PIKFYVE: variants seen among roughly 807,000 people sequenced by gnomAD.
PIKFYVE encodes the protein phosphoinositide kinase, FYVE-type zinc finger containing.
Under a neutral mutation model 257.9 loss-of-function variants are expected in PIKFYVE, and 122 were observed. That is an observed-to-expected ratio of 0.47 (90% CI 0.41 to 0.55). The LOEUF is 0.55. Among genes scored for constraint, PIKFYVE ranks in the 20% least tolerant of loss-of-function variants. The pLI is 0.00. For synonymous variants in PIKFYVE, 892 were observed against 868.9 expected (o/e 1.03, Z -0.47); for missense variants, 2,160 against 2,536.6 (o/e 0.85, Z 3.19).
rs891252389 is a variant in PIKFYVE, at chr2:208,325,634, G to C, written c.2823G>C (p.Gln941His). 6.2e-7 allele frequency: 1 copy of C among 1,614,134 alleles called. No homozygotes were observed. The highest frequency in any genetic ancestry group is 8.5e-7 in the Non-Finnish European group (1 of 1,180,024). Residue 941 changes from glutamine to histidine, a missense_variant, in exon 20 of 42, where the codon CAG becomes CAC. Transcript: ENST00000264380. ...GGATTGTGTTTGAGAAGGGTGAGCA[G>C]GAAAATAAAAATCTTCCGCAGGCTG... The part of the protein sequence containing the change: ...ELRIVFEKGE[Q>H]ENKNLPQAVA...
At position 208,330,640 on chromosome 2, in the gene PIKFYVE, A is replaced by G; in HGVS notation, c.3909A>G (p.Val1303=). Residue 1303 remains valine (V), a synonymous_variant, in exon 23 of 42, where the codon GTA becomes GTG. Transcript: ENST00000264380. The part of the protein sequence containing the change: ...QIILKELDSP[V]PGYQHTILTY... ...TCCTGAAGGAGTTGGATTCTCCAGT[A>G]CCTGGATATCAGCATACAATTCTTA... 1.2e-6 allele frequency: 2 copies of G among 1,614,158 alleles called. No homozygotes were observed. Among genetic ancestry groups the G allele is most frequent in the South Asian group, 2.2e-5 (2 of 91,090 alleles).
chr2:208,347,837 A>G (rs767505991), intron 34 of PIKFYVE, 22 bp from the exon 35 acceptor site: 1 of 1,592,736 alleles, frequency 6.3e-7, no homozygotes, highest in Non-Finnish European at 8.6e-7. Flanking sequence ...CTTAAAATTA[A>G]TATGTTACTT....
chr2:208,330,828 T>A, intron 23 of PIKFYVE, 134 bp downstream of exon 23: 1 of 913,338 alleles, frequency 1.1e-6, no homozygotes, highest in Non-Finnish European at 1.6e-6. Context: ...TCATTGTTAT[T>A]TTACCTTCCA....
chr2:208,305,058 C>G (rs1694159099), intron 12 of PIKFYVE, 45 bp downstream of exon 12: 4 of 1,612,036 alleles, frequency 2.5e-6, no homozygotes, highest in Non-Finnish European at 3.4e-6. Context: ...GGCTGGACAG[C>G]TGGGCCATAG....
intron 34 of PIKFYVE, among the ~76,000 whole-genome samples, chr2:208,347,336 C>T (rs1411959148): frequency 6.6e-6 from 1 of 152,024 alleles, no homozygotes; most frequent in Non-Finnish European, 1.5e-5. Flanking sequence ...TGTTTGATGG[C>T]CTTTTTTATT....
At position 208,316,761 on chromosome 2, in the gene PIKFYVE, C is replaced by T. The variant is rs1432053628; in HGVS notation, c.2008-1106C>T. On this transcript the variant is annotated intron_variant, in intron 15 of 41. Transcript: ENST00000264380. ...TACAAGGCTACAGTAACCAAAACAG[C>T]GTGGTACTGGTACCAAAATAGAGAT... Among the ~76,000 whole-genome samples, 15 of 152,250 alleles carry T rather than the reference C, an allele frequency of 9.9e-5. No individual in the cohort carries two copies. The East Asian group carries it at 2.1e-3, about 22-fold the overall frequency.
At chr2:208,306,141 T>C (rs1694286271) in intron 12 of PIKFYVE, among the ~76,000 whole-genome samples, 1 of 152,248 alleles carries the variant, frequency 6.6e-6, no homozygotes. Flanking sequence ...TGAAGAGTTA[T>C]AGTAATAAAA....
chr2:208,284,519 C>T (rs998046387), intron 5 of PIKFYVE, among the ~76,000 whole-genome samples: 5 of 152,244 alleles, frequency 3.3e-5, no homozygotes, highest in Admixed American at 2.6e-4. Flanking sequence ...TCTCAGTCTC[C>T]CAAAGTGCTG....
intron 7 of PIKFYVE, among the ~76,000 whole-genome samples, chr2:208,296,672 G>A (rs1693029994): frequency 6.6e-6 from 1 of 152,130 alleles, no homozygotes; most frequent in Non-Finnish European, 1.5e-5. Flanking sequence ...GACTGAGATT[G>A]GAGAAATCAA....
chr2:208,312,143 G>T, intron 12 of PIKFYVE, 93 bp from the exon 13 acceptor site: 1 of 934,076 alleles, frequency 1.1e-6, no homozygotes, highest in South Asian at 1.4e-5. Context: ...AATATTTTGT[G>T]TGTGGGCGTA....
Position 208,338,508 on chromosome 2 carries a change from A to G in PIKFYVE, c.4612A>G (p.Ile1538Val). The change falls in exon 29 of 42, where the codon ATA becomes GTA. Residue 1538 changes from isoleucine to valine, a missense_variant and splice_region_variant. Physicochemically the swap from Ile to Val is conservative, Grantham distance 29 (BLOSUM62 3). Transcript: ENST00000264380. The part of the protein sequence containing the change: ...GRLRQGEESK[I>V]SAMDASPRNI... ...GAACAAAGTATTTACTTCTCTACAG[A>G]TAAGTGCGATGGATGCATCTCCACG... 1 of 1,612,728 alleles carries G rather than the reference A, an allele frequency of 6.2e-7. No individual in the cohort carries two copies. Among genetic ancestry groups the G allele is most frequent in the African/African-American group, 1.3e-5 (1 of 75,012 alleles).
At chr2:208,353,521 T>C (rs1057122176) in intron 39 of PIKFYVE, among the ~76,000 whole-genome samples, 2 of 139,740 alleles carry the variant, frequency 1.4e-5, no homozygotes, top group Middle Eastern at 6.7e-3. Context: ...AAACTATGTT[T>C]CTTAAGACTA....
chr2:208,333,575 G>C lies in PIKFYVE; in HGVS notation c.4142+82G>C. On this transcript the variant is annotated intron_variant, in intron 24 of 41. Transcript: ENST00000264380. ...TTTTTTAACATTTTCACCATTACTA[G>C]ATTGAATTAATTTGTGGGATTCCCC... 4.2e-6 allele frequency: 6 copies of C among 1,436,096 alleles called. No individual in the cohort carries two copies. The Middle Eastern group carries it at 5.4e-4, about 130-fold the overall frequency. 89.0% of individuals were successfully genotyped at this position (1,436,096 alleles called of 1,614,324 possible). A position where few individuals can be genotyped will look rare whatever the true frequency, so the allele number is the denominator to read the frequency against.
chr2:208,309,508 A>C (rs189988309), intron 12 of PIKFYVE, among the ~76,000 whole-genome samples: 9 of 152,322 alleles, frequency 5.9e-5, no homozygotes, highest in Admixed American at 3.3e-4. Flanking sequence ...GATCCAATTT[A>C]CTGTTTTGTG....
rs1333815534 is a variant in PIKFYVE, at chr2:208,298,712, T to C, written c.983T>C (p.Val328Ala). The change falls in exon 8 of 42, where the codon GTC becomes GCC. Residue 328 changes from valine to alanine, a missense_variant. Val to Ala is a moderately conservative substitution (Grantham distance 64, BLOSUM62 0). This residue lies in a region of PIKFYVE where 187 missense variants were observed against 185.6 expected (regional missense o/e 1.01). Coordinates refer to ENST00000264380, the MANE Select transcript of PIKFYVE (RefSeq NM_015040.4). ...ATGGTACCTTCATATGAGACATCTG[T>C]CAGTCCCCAGGCTAACCGAACATAT... ...SPMVPSYETS[V>A]SPQANRTYVR... 1.2e-6 allele frequency: 2 copies of C among 1,614,138 alleles called. No individual in the cohort carries two copies. The highest frequency in any genetic ancestry group is 1.7e-6 in the Non-Finnish European group (2 of 1,179,970).
Position 208,346,227 on chromosome 2 carries a change from A to G in PIKFYVE, c.5209+80A>G, listed in dbSNP as rs903902458. 6.2e-6 allele frequency: 7 copies of G among 1,128,748 alleles called. No homozygotes were observed. The African/African-American group carries it at 1.1e-4, about 18-fold the overall frequency. The allele number at this position is 1,128,748 out of a possible 1,614,324, so 69.9% of individuals were successfully genotyped here. A position where few individuals can be genotyped will look rare whatever the true frequency, so the allele number is the denominator to read the frequency against. On this transcript the variant is annotated intron_variant, in intron 34 of 41. Coordinates refer to ENST00000264380, the MANE Select transcript of PIKFYVE (RefSeq NM_015040.4). ...TGAAAAAGAAAATACATAAAAACAA[A>G]TAAGTACTATCTGGCAATGATTTAC...
At chr2:208,354,472 T>C in intron 40 of PIKFYVE, 99 bp from the exon 41 acceptor site, 1 of 1,139,810 alleles carries the variant, frequency 8.8e-7, no homozygotes, top group Non-Finnish European at 1.3e-6. Context: ...CAATAAAAGT[T>C]AACTGTCATA....
intron 25 of PIKFYVE, 65 bp from the exon 26 acceptor site, chr2:208,335,728 A>G (rs555977226): frequency 8.0e-6 from 10 of 1,245,018 alleles, no homozygotes; most frequent in African/African-American, 3.0e-5. Context: ...TTTTTTTTCT[A>G]TTTATGTGAG....
intron 7 of PIKFYVE, among the ~76,000 whole-genome samples, chr2:208,293,558 G>C (rs554496284): frequency 6.6e-6 from 1 of 152,160 alleles, no homozygotes; most frequent in East Asian, 1.9e-4. Flanking sequence ...GTACAGAATT[G>C]TAGGTTGATG....
Sources: allele counts gnomAD v4.1 joint callset (sites outside exome capture counted in the v4.1 genomes callset), GRCh38; gene constraint gnomAD v4.1.1; regional missense constraint gnomAD v4.1.1; transcripts MANE v1.5; gene names NCBI Gene and HGNC (gene_info 2026-07-23, HGNC 2026-07-21).